PRKCE: variants seen among roughly 807,000 people sequenced by gnomAD.
The protein encoded by PRKCE is protein kinase C epsilon, also known as protein kinase C epsilon type.
In PRKCE, 16 loss-of-function variants were observed where a neutral mutation model predicts 85.4. The observed-to-expected ratio is 0.19, with a 90% confidence interval of 0.13 to 0.28. The LOEUF is 0.28. Among genes scored for constraint, PRKCE ranks in the 10% least tolerant of loss-of-function variants. The pLI, the probability that PRKCE is intolerant of heterozygous loss-of-function variation, is 1.00. For missense variants in PRKCE, 573 were observed against 975.2 expected (o/e 0.59, Z 5.49); for synonymous variants, 388 against 371.5 (o/e 1.04, Z -0.51).
intron 1 of PRKCE, among the ~76,000 whole-genome samples, chr2:45,822,193 C>T (rs776530255): frequency 6.6e-6 from 1 of 152,334 alleles, no homozygotes; most frequent in South Asian, 2.1e-4. Flanking sequence ...TGTACAAAGG[C>T]ACACAGAGAC....
At chr2:46,027,992 A>C (rs1707245076) in intron 10 of PRKCE, among the ~76,000 whole-genome samples, 2 of 150,096 alleles carry the variant, frequency 1.3e-5, no homozygotes, top group African/African-American at 4.9e-5. Context: ...CCCAGACTGG[A>C]GTGCAGTGGC....
chr2:46,086,116 C>T (rs1669613686), intron 10 of PRKCE, 92 bp from the exon 11 acceptor site: 2 of 1,377,112 alleles, frequency 1.5e-6, no homozygotes, highest in African/African-American at 1.4e-5. Flanking sequence ...CCCCTTGAGT[C>T]TTGGTAACCT....
chr2:45,904,385 G>A (rs1181443953), intron 2 of PRKCE, among the ~76,000 whole-genome samples: 1 of 152,084 alleles, frequency 6.6e-6, no homozygotes, highest in Non-Finnish European at 1.5e-5. Context: ...GCAAATCACA[G>A]GGGGAGAAGA....
intron 10 of PRKCE, among the ~76,000 whole-genome samples, chr2:46,061,004 C>G (rs1034546997): frequency 2.6e-5 from 4 of 151,964 alleles, no homozygotes; most frequent in African/African-American, 9.6e-5. Context: ...TCAAGTGATT[C>G]GCCCACCTCC....
intron 1 of PRKCE, among the ~76,000 whole-genome samples, chr2:45,756,625 G>A (rs1221816373): frequency 6.6e-6 from 1 of 152,114 alleles, no homozygotes; most frequent in African/African-American, 2.4e-5. Flanking sequence ...ACAAATTGTG[G>A]TATATCTATA....
chr2:45,903,891 G>T (rs13001132), intron 2 of PRKCE, among the ~76,000 whole-genome samples: 9,983 of 86,092 alleles, frequency 0.12, 850 homozygotes, highest in African/African-American at 0.21. Context: ...GTTTTTTTTT[G>T]TTTGTTTGTT....
chr2:45,978,707 T>A, intron 3 of PRKCE: 1 of 394,142 alleles, frequency 2.5e-6, no homozygotes, highest in Non-Finnish European at 4.6e-6. Context: ...AGAACATTGC[T>A]GACCACACAG....
At chr2:45,760,728 G>A (rs1684397872) in intron 1 of PRKCE, among the ~76,000 whole-genome samples, 1 of 152,158 alleles carries the variant, frequency 6.6e-6, no homozygotes, top group African/African-American at 2.4e-5. Flanking sequence ...AGAGGGGAAA[G>A]CTCGTTGGCC....
At chr2:46,122,942 A>G (rs912504530) in intron 11 of PRKCE, among the ~76,000 whole-genome samples, 2 of 144,226 alleles carry the variant, frequency 1.4e-5, no homozygotes, top group African/African-American at 5.2e-5. Flanking sequence ...CATTATAATC[A>G]GGAGAGTCCT....
Position 45,652,028 on chromosome 2 carries a change from C to A in PRKCE, c.-73C>A. The A allele has an allele frequency of 8.2e-7, 1 of 1,221,626 alleles. No homozygotes were observed. The highest frequency in any genetic ancestry group is 1.1e-6 in the Non-Finnish European group (1 of 870,356). 75.7% of individuals were successfully genotyped at this position (1,221,626 alleles called of 1,614,324 possible). A position where few individuals can be genotyped will look rare whatever the true frequency, so the allele number is the denominator to read the frequency against. The stretch of plus-strand genomic sequence containing the variant: ...CCAAGAGTCCCTGTGGCTCGGAGTG[C>A]CGGGCCGTCGGTTCTTCATTCCTGC... On this transcript the variant is annotated 5_prime_UTR_variant, in exon 1 of 15. Coordinates refer to ENST00000306156, the MANE Select transcript of PRKCE (RefSeq NM_005400.3). The surrounding 1 kb of genome is among the most constrained non-coding windows in gnomAD (Gnocchi z 7.7).
At chr2:46,021,648 T>A (rs755177183) in intron 10 of PRKCE, among the ~76,000 whole-genome samples, 1 of 152,196 alleles carries the variant, frequency 6.6e-6, no homozygotes, top group Non-Finnish European at 1.5e-5. Context: ...AAGGTGTCAT[T>A]TGGTCACAGT....
intron 11 of PRKCE, among the ~76,000 whole-genome samples, chr2:46,125,474 A>G (rs1412477841): frequency 2.0e-5 from 3 of 152,210 alleles, no homozygotes; most frequent in Non-Finnish European, 4.4e-5. Context: ...TCAAGTCGGT[A>G]TATTGGACAA....
Position 46,001,318 on chromosome 2 carries a change from A to T in PRKCE, c.824-86A>T, listed in dbSNP as rs1574179649. On this transcript the variant is annotated intron_variant, in intron 6 of 14. Coordinates refer to ENST00000306156, the MANE Select transcript of PRKCE (RefSeq NM_005400.3). This position sits in a 1 kb window ranked among gnomAD's most constrained non-coding sequence, Gnocchi z 4.4. ...ATCTTAAATGAACATGTAATACTTC[A>T]TGAACATATAATACAATCTCAAAGA... 1 of 1,288,276 alleles carries T rather than the reference A, an allele frequency of 7.8e-7. No homozygotes were observed. 79.8% of individuals were successfully genotyped at this position (1,288,276 alleles called of 1,614,324 possible).
chr2:46,048,476 C>A (rs1708660048), intron 10 of PRKCE, among the ~76,000 whole-genome samples: 1 of 152,212 alleles, frequency 6.6e-6, no homozygotes, highest in Non-Finnish European at 1.5e-5. Flanking sequence ...CTCAATGTCC[C>A]ACCAGAGCCC....
At chr2:46,112,814 C>G (rs766849591) in intron 11 of PRKCE, among the ~76,000 whole-genome samples, 46 of 152,214 alleles carry the variant, frequency 3.0e-4, no homozygotes, top group Non-Finnish European at 6.6e-4. Flanking sequence ...GCCACCACAC[C>G]TGGCCTCTTT....
chr2:46,175,580 C>T (rs1008706871), intron 14 of PRKCE, among the ~76,000 whole-genome samples: 34 of 152,142 alleles, frequency 2.2e-4, no homozygotes, highest in African/African-American at 7.0e-4. Flanking sequence ...ACATAATTGG[C>T]CCAAGGCCAC....
At chr2:45,956,189 A>G (rs1159862097) in intron 2 of PRKCE, among the ~76,000 whole-genome samples, 1 of 152,218 alleles carries the variant, frequency 6.6e-6, no homozygotes, top group Admixed American at 6.5e-5. Context: ...CTTTATAGCT[A>G]CACACCAATT....
rs116697009 is a variant in PRKCE at position 46,090,190 on chromosome 2, G to A, written c.1592+3828G>A. 8.3e-3 allele frequency among the ~76,000 whole-genome samples: 1,268 copies of A among 152,168 alleles called. 19 individuals carry two copies. Among genetic ancestry groups the A allele is most frequent in the African/African-American group, 0.028 (1,160 of 41,508 alleles). On this transcript the variant is annotated intron_variant, in intron 11 of 14. Coordinates refer to ENST00000306156, the MANE Select transcript of PRKCE (RefSeq NM_005400.3). Reference sequence around the variant, plus strand: ...CACAGATTCCAGAGTAATACTCCTGGAGCTATTGATTCAATAGACCTGATA... The same window carrying A: ...CACAGATTCCAGAGTAATACTCCTGAAGCTATTGATTCAATAGACCTGATA...
chr2:45,676,940 C>G (rs1411888766), intron 1 of PRKCE: 1 of 152,168 alleles, frequency 6.6e-6, no homozygotes, highest in Non-Finnish European at 1.5e-5. Flanking sequence ...GACAGATACT[C>G]AAACAGGCAA....
Sources: allele counts gnomAD v4.1 joint callset (sites outside exome capture counted in the v4.1 genomes callset), GRCh38; gene constraint gnomAD v4.1.1; non-coding constraint Gnocchi (gnomAD v3.1); transcripts MANE v1.5; gene names NCBI Gene and HGNC (gene_info 2026-07-23, HGNC 2026-07-21).